Variants in P2RX4 observed in about 807,000 individuals in gnomAD.
P2RX4 encodes the protein purinergic receptor P2X 4.
A neutral mutation model predicts 48.0 loss-of-function variants in P2RX4; 37 were observed. That is an observed-to-expected ratio of 0.77 (90% confidence interval 0.59 to 1.01). P2RX4 has a LOEUF of 1.01. Among genes scored for constraint, P2RX4 ranks in the 50% least tolerant of loss-of-function variants. The pLI is 0.00. For synonymous variants in P2RX4, 200 were observed against 199.7 expected, an observed-to-expected ratio of 1.00 and a Z score of -0.01; for missense variants, 501 against 521.4, an observed-to-expected ratio of 0.96 and a Z score of 0.38.
Position 121,219,806 on chromosome 12 carries a change from CAG to C in P2RX4, c.283-2105_283-2104del, listed in dbSNP as rs879884618. Among the ~76,000 whole-genome samples the C allele has an allele frequency of 1.4e-4, 21 of 150,224 alleles. No individual in the cohort carries two copies. In the East Asian group the frequency reaches 2.2e-3, roughly 16 times the overall value. On this transcript the variant is annotated intron_variant, in intron 2 of 11. Transcript: ENST00000337233. The stretch of plus-strand genomic sequence containing the variant: ...TGATAGATAATCGATAAATAGAAAA[CAG>C]ATGATAGATATAGGATAGATTAGAT...
chr12:121,232,431 G>C lies in P2RX4; in HGVS notation c.902G>C (p.Arg301Thr), dbSNP rs368381126. 6.2e-6 allele frequency: 10 copies of C among 1,613,492 alleles called. No homozygotes were observed. In the African/African-American group the frequency reaches 1.3e-4, roughly 22 times the overall value. The change falls in exon 9 of 12, where the codon AGA becomes ACA. Residue 301 changes from arginine to threonine, a missense_variant. Around this residue, in one of 3 missense-constraint regions of P2RX4, gnomAD observed 197 missense variants for 219.5 expected, o/e 0.90. Transcript: ENST00000337233. The surrounding 1 kb of genome is among the most constrained non-coding windows in gnomAD (Gnocchi z 4.3). ...CCCCTCAGGTTTGCCAAGTACTACA[G>C]AGACCTGGCTGGCAACGAGCAGCGC... ...GYNFRFAKYY[R>T]DLAGNEQRTL...
rs753827409 is a variant in P2RX4, at chr12:121,217,033, G to A, written c.135-101G>A. 3.4e-6 allele frequency: 4 copies of A among 1,175,258 alleles called. No homozygotes were observed. The African/African-American group carries it at 6.0e-5, about 18-fold the overall frequency. 72.8% of individuals were successfully genotyped at this position (1,175,258 alleles called of 1,614,324 possible). A position where few individuals can be genotyped will look rare whatever the true frequency, so the allele number is the denominator to read the frequency against. ...TAGCTTGTAGAAAGTCATGTAATTA[G>A]TCAACATCGTACTTCCAGCCACTGG... is the stretch of plus-strand genomic sequence containing the variant. On this transcript the variant is annotated intron_variant, in intron 1 of 11. Transcript: ENST00000337233.
intron 5 of P2RX4, among the ~76,000 whole-genome samples, chr12:121,225,340 C>T (rs1886912303): frequency 6.6e-6 from 1 of 152,020 alleles, no homozygotes; most frequent in African/African-American, 2.4e-5. Context: ...TCCCAAAGTG[C>T]TGGGATTATA....
intron 2 of P2RX4, among the ~76,000 whole-genome samples, chr12:121,220,022 A>G (rs536471441): frequency 8.9e-4 from 136 of 152,298 alleles, no homozygotes; most frequent in Middle Eastern, 6.8e-3. Context: ...GCTTTCCAGA[A>G]ACTCTAAATC....
At position 121,233,026 on chromosome 12, in the gene P2RX4, C is replaced by G; in HGVS notation, c.1074C>G (p.Leu358=). ...MATVLCDIIV[L]YCMKKRLYYR... is the part of the protein sequence containing the mutation. ...CCGTGCTGTGTGACATCATAGTCCT[C>G]TACTGCATGAAGAAAAGACTCTACT... Residue 358 remains leucine, a synonymous_variant, in exon 11 of 12, where the codon CTC becomes CTG. Coordinates refer to ENST00000337233, the MANE Select transcript of P2RX4 (RefSeq NM_002560.3). 6.2e-7 allele frequency: 1 copy of G among 1,613,930 alleles called. No homozygotes were observed. Among genetic ancestry groups the G allele is most frequent in the East Asian group, 2.2e-5 (1 of 44,880 alleles).
chr12:121,211,787 G>C (rs1885873699), intron 1 of P2RX4, among the ~76,000 whole-genome samples: 1 of 152,010 alleles, frequency 6.6e-6, no homozygotes, highest in African/African-American at 2.4e-5. Context: ...CGATTCTCCT[G>C]CCTCAGCCTC....
intron 5 of P2RX4, 186 bp downstream of exon 5, chr12:121,223,229 C>G (rs768216037): frequency 1.7e-6 from 1 of 574,890 alleles, no homozygotes; most frequent in Non-Finnish European, 3.1e-6. Flanking sequence ...CACCCACCAC[C>G]ACGCCCAACT....
intron 2 of P2RX4, among the ~76,000 whole-genome samples, chr12:121,221,194 GTGTT>G (rs763021416): frequency 1.3e-3 from 120 of 88,998 alleles, no homozygotes; most frequent in South Asian, 3.4e-3. Context: ...GTGTGTGTGT[GTGTT>G]TTTAGTACAA....
intron 1 of P2RX4, among the ~76,000 whole-genome samples, chr12:121,211,568 C>G (rs1309708195): frequency 6.6e-6 from 1 of 152,206 alleles, no homozygotes; most frequent in African/African-American, 2.4e-5. Context: ...AAAGGCTTAC[C>G]TGGGGTGTTC....
At position 121,233,563 on chromosome 12, in the gene P2RX4, C is replaced by T. The variant is rs1170953743; in HGVS notation, c.*14C>T. 6.8e-6 allele frequency: 11 copies of T among 1,607,014 alleles called. No homozygotes were observed. Among genetic ancestry groups the T allele is most frequent in the East Asian group, 4.5e-5 (2 of 44,812 alleles). On this transcript the variant is annotated 3_prime_UTR_variant, in exon 12 of 12. Coordinates refer to ENST00000337233, the MANE Select transcript of P2RX4 (RefSeq NM_002560.3). The stretch of plus-strand genomic sequence containing the variant: ...CTGGACCAGTGAGGCCTACCCCACA[C>T]CTGGGCTCTCCACAGCCCCATCAAA...
Position 121,210,236 on chromosome 12 carries a change from C to T in P2RX4, c.72C>T (p.Arg24=), listed in dbSNP as rs1045677928. 1 of 1,563,654 alleles carries T rather than the reference C, an allele frequency of 6.4e-7. No individual in the cohort carries two copies. Among genetic ancestry groups the T allele is most frequent in the Non-Finnish European group, 8.6e-7 (1 of 1,159,202 alleles). The change falls in exon 1 of 12, where the codon CGC becomes CGT. Residue 24 remains arginine (R), a synonymous_variant. Transcript: ENST00000337233. ...EYDTPRIVLI[R]SRKVGLMNRA... ...ACACGCCGCGCATCGTGCTCATCCG[C>T]AGCCGCAAAGTGGGGCTCATGAACC...
intron 1 of P2RX4, among the ~76,000 whole-genome samples, chr12:121,211,409 C>T (rs1175827426): frequency 6.6e-6 from 1 of 151,886 alleles, no homozygotes; most frequent in Non-Finnish European, 1.5e-5. Context: ...TCAGGCTGGT[C>T]CTGAACTGAC....
chr12:121,230,225 A>T (rs939414142), intron 8 of P2RX4, among the ~76,000 whole-genome samples: 1 of 152,250 alleles, frequency 6.6e-6, no homozygotes, highest in Non-Finnish European at 1.5e-5. Flanking sequence ...ACTAAAAAAA[A>T]TACAAAAATT....
chr12:121,230,979 T>C (rs1370308321), intron 8 of P2RX4, among the ~76,000 whole-genome samples: 2 of 129,360 alleles, frequency 1.5e-5, no homozygotes, highest in Admixed American at 1.6e-4. Context: ...ATTATATATA[T>C]ATATTTTTTT....
chr12:121,227,088 A>G, intron 5 of P2RX4, among the ~76,000 whole-genome samples: 1 of 151,868 alleles, frequency 6.6e-6, no homozygotes, highest in East Asian at 1.9e-4. Context: ...AGCCTGAGCA[A>G]CAGGAGCAAG....
At chr12:121,219,828 T>TTAGATAGATAGATAGATAGATAGA (rs3838806) in intron 2 of P2RX4, among the ~76,000 whole-genome samples, 2 of 150,220 alleles carry the variant, frequency 1.3e-5, no homozygotes, top group Non-Finnish European at 3.0e-5. Context: ...ATAGGATAGA[T>TTAGATAGATAGATAGATAGATAGA]TAGATAGATA....
At chr12:121,231,053 T>C (rs1189197071) in intron 8 of P2RX4, among the ~76,000 whole-genome samples, 5 of 151,576 alleles carry the variant, frequency 3.3e-5, no homozygotes, top group Non-Finnish European at 1.5e-5. Context: ...AGTGGTGCGA[T>C]TTCAGCTCAC....
intron 4 of P2RX4, chr12:121,222,433 G>C: frequency 2.1e-6 from 1 of 474,078 alleles, no homozygotes; most frequent in Non-Finnish European, 3.8e-6. Context: ...GTTTTTTTGA[G>C]CCAGAGTCTC....
chr12:121,230,796 T>TG (rs1887292959), intron 8 of P2RX4, among the ~76,000 whole-genome samples: 1 of 152,148 alleles, frequency 6.6e-6, no homozygotes, highest in Non-Finnish European at 1.5e-5. Flanking sequence ...CCGAGGCTCC[T>TG]GATGGATCCC....
Sources: gnomAD v4.1 joint callset for allele counts (sites outside exome capture counted in the v4.1 genomes callset) on GRCh38, gnomAD v4.1.1 for gene constraint, gnomAD v4.1.1 regional missense constraint, Gnocchi (gnomAD v3.1) non-coding constraint, MANE v1.5 for transcripts, NCBI Gene and HGNC (gene_info 2026-07-23, HGNC 2026-07-21) for gene names.